The following SLC38A10 variants were observed in gnomAD, a reference collection of about 807,000 sequenced individuals.
The protein encoded by SLC38A10 is solute carrier family 38 member 10, also known as Sodium-coupled neutral amino acid transporter 10.
In SLC38A10, 53 loss-of-function variants were observed where a neutral mutation model predicts 81.0. The ratio of observed to expected loss-of-function variants is 0.65; its 90% CI spans 0.53 to 0.82. The LOEUF (loss-of-function observed/expected upper bound fraction) is 0.82. Among genes scored for constraint, SLC38A10 ranks in the 40% least tolerant of loss-of-function variants. SLC38A10 has a pLI of 0.00. For missense variants in SLC38A10, 1,471 were observed against 1,545.0 expected, an observed-to-expected ratio of 0.95 and a Z score of 0.80; for synonymous variants, 665 against 655.3, an observed-to-expected ratio of 1.01 and a Z score of -0.23.
rs1216845474 is a variant in SLC38A10, at chr17:81,250,868, A to G, written c.2065+625T>C. On this transcript the variant is annotated intron_variant, in intron 14 of 15. Coordinates refer to ENST00000374759, the MANE Select transcript of SLC38A10 (RefSeq NM_001037984.3). ...AACAGCTGAGACCCAAGGGGCGAGA[A>G]GTTTGGAGGAGGATTCAGAGCAAGT... is the stretch of plus-strand genomic sequence containing the variant. 5 of 1,050,422 alleles carry G rather than the reference A, an allele frequency of 4.8e-6. No homozygotes were observed. The South Asian group carries it at 2.1e-4, about 43-fold the overall frequency. The allele number at this position is 1,050,422 out of a possible 1,614,324, so 65.1% of individuals were successfully genotyped here. A position where few individuals can be genotyped will look rare whatever the true frequency, so the allele number is the denominator to read the frequency against.
At position 81,245,445 on chromosome 17, in the gene SLC38A10, C is replaced by T; in HGVS notation, c.*111G>A. On this transcript the variant is annotated 3_prime_UTR_variant, in exon 16 of 16. Transcript: ENST00000374759. ...TTGGTGAGGGCCTCAGACATGAAAC[C>T]CTGGGGAGAGGCGAGTGTGACCTCC... 2.2e-6 allele frequency: 3 copies of T among 1,356,382 alleles called. No homozygotes were observed. Among genetic ancestry groups the T allele is most frequent in the South Asian group, 1.4e-5 (1 of 70,948 alleles). The allele number at this position is 1,356,382 out of a possible 1,614,324, so 84.0% of individuals were successfully genotyped here.
At chr17:81,292,755 GA>G (rs2063320763) in intron 1 of SLC38A10, among the ~76,000 whole-genome samples, 1 of 152,212 alleles carries the variant, frequency 6.6e-6, no homozygotes, top group East Asian at 1.9e-4. Context: ...CAAGGCTCGA[GA>G]TAGCTGGATC....
At chr17:81,284,769 A>T in intron 3 of SLC38A10, 81 bp downstream of exon 3, 1 of 1,159,900 alleles carries the variant, frequency 8.6e-7, no homozygotes, top group Non-Finnish European at 1.2e-6. Context: ...TCTGGGGATG[A>T]AACTGCCGCT....
In SLC38A10 at chr17:81,276,513, T is replaced by C. The variant is rs548016090; in HGVS notation, c.730-362A>G. ...TTCAAGCAATTCTCCTGCCTCAGCCTCCCGAGTAGCCGGGTTTACATGCAC... is the reference window on the plus strand; with the variant it reads ...TTCAAGCAATTCTCCTGCCTCAGCCCCCCGAGTAGCCGGGTTTACATGCAC... On this transcript the variant is annotated intron_variant, in intron 7 of 15. Transcript: ENST00000374759. This position sits in a 1 kb window ranked among gnomAD's most constrained non-coding sequence, Gnocchi z 4.7. Among the ~76,000 whole-genome samples the C allele has an allele frequency of 6.6e-6, 1 of 151,946 alleles. No homozygotes were observed. Among genetic ancestry groups the C allele is most frequent in the African/African-American group, 2.4e-5 (1 of 41,420 alleles).
In SLC38A10 at chr17:81,281,146, C is replaced by T. The variant is rs895579596; in HGVS notation, c.502-413G>A. 6.6e-6 allele frequency among the ~76,000 whole-genome samples: 1 copy of T among 152,214 alleles called. No individual in the cohort carries two copies. The highest frequency in any genetic ancestry group is 1.5e-5 in the Non-Finnish European group (1 of 68,042). On this transcript the variant is annotated intron_variant, in intron 5 of 15. Coordinates refer to ENST00000374759, the MANE Select transcript of SLC38A10 (RefSeq NM_001037984.3). The surrounding 1 kb of genome is among the most constrained non-coding windows in gnomAD (Gnocchi z 5.3). ...GACATTTTCCAAAAGACTGGCCCAC[C>T]AGGACGCGGCTGTCTCAAGAGTAAA... is the stretch of plus-strand genomic sequence containing the variant.
At chr17:81,250,266 G>T in intron 14 of SLC38A10, among the ~76,000 whole-genome samples, 1 of 152,220 alleles carries the variant, frequency 6.6e-6, no homozygotes, top group East Asian at 1.9e-4. Flanking sequence ...CCACATGCCC[G>T]AACTCCTGAA....
Position 81,245,879 on chromosome 17 carries a change from T to C in SLC38A10, c.3037A>G (p.Arg1013Gly), listed in dbSNP as rs2062844459. The C allele has an allele frequency of 6.2e-7, 1 of 1,612,116 alleles. No homozygotes were observed. Among genetic ancestry groups the C allele is most frequent in the Non-Finnish European group, 8.5e-7 (1 of 1,179,630 alleles). The change falls in exon 16 of 16, where the codon AGG (arginine) becomes GGG (glycine). Residue 1013 changes from arginine (R) to glycine (G), a missense_variant. Physicochemically the swap from Arg to Gly is moderately radical, Grantham distance 125. This residue lies in a region of SLC38A10 where 751 missense variants were observed against 717.4 expected (regional missense o/e 1.05). Coordinates refer to ENST00000374759, the MANE Select transcript of SLC38A10 (RefSeq NM_001037984.3). ...GGEDAAVQEP[R>G]QRPEPELGLK... is the part of the protein sequence containing the mutation. ...CCCAGCTCTGGCTCTGGCCTCTGCCTGGGCTCCTGGACAGCAGCGTCCTCC... is the reference window on the plus strand; with the variant it reads ...CCCAGCTCTGGCTCTGGCCTCTGCCCGGGCTCCTGGACAGCAGCGTCCTCC...
chr17:81,251,275 T>C (rs756262353), intron 14 of SLC38A10: 1 of 1,581,590 alleles, frequency 6.3e-7, no homozygotes, highest in Non-Finnish European at 8.5e-7. Context: ...GCCGCAGGTG[T>C]TTAAAGGGGA....
In SLC38A10 at chr17:81,281,743, T is replaced by C. The variant is rs1221754782; in HGVS notation, c.501+446A>G. Among the ~76,000 whole-genome samples, 1 of 151,790 alleles carries C rather than the reference T, an allele frequency of 6.6e-6. No individual in the cohort carries two copies. Among genetic ancestry groups the C allele is most frequent in the African/African-American group, 2.4e-5 (1 of 41,168 alleles). Reference sequence around the variant, plus strand: ...GTGAGCCGAGATTGCGCCACTGCACTCCAGCCTGGGCGACAAAGTGAGACT... The same window carrying C: ...GTGAGCCGAGATTGCGCCACTGCACCCCAGCCTGGGCGACAAAGTGAGACT... On this transcript the variant is annotated intron_variant, in intron 5 of 15. Coordinates refer to ENST00000374759, the MANE Select transcript of SLC38A10 (RefSeq NM_001037984.3). The surrounding 1 kb of genome is among the most constrained non-coding windows in gnomAD (Gnocchi z 5.3).
intron 14 of SLC38A10, among the ~76,000 whole-genome samples, chr17:81,249,438 GGAGA>G: frequency 7.3e-6 from 1 of 137,508 alleles, no homozygotes; most frequent in African/African-American, 2.6e-5. Flanking sequence ...AAGGAGGGAG[GGAGA>G]AGGAGGGAGG....
intron 10 of SLC38A10, among the ~76,000 whole-genome samples, chr17:81,269,226 A>G (rs1489513140): frequency 2.0e-5 from 3 of 152,258 alleles, no homozygotes; most frequent in Non-Finnish European, 4.4e-5. Context: ...TAAAAAATCC[A>G]TAAGGGGCTG....
chr17:81,284,949 G>C (rs2063250129), intron 2 of SLC38A10, 54 bp from the exon 3 acceptor site: 3 of 1,495,774 alleles, frequency 2.0e-6, no homozygotes, highest in African/African-American at 1.4e-5. Context: ...AGCTCGTCCA[G>C]AACAAAGGTA....
At chr17:81,251,149 C>CTT in intron 14 of SLC38A10, 1 of 1,520,738 alleles carries the variant, frequency 6.6e-7, no homozygotes, top group South Asian at 1.3e-5. Context: ...AGTGTTAAAA[C>CTT]TGTTAACAAA....
At chr17:81,266,535 C>T (rs1025967527) in intron 10 of SLC38A10, among the ~76,000 whole-genome samples, 5 of 150,936 alleles carry the variant, frequency 3.3e-5, no homozygotes, top group African/African-American at 1.2e-4. Context: ...AGGAGAATGG[C>T]GTGAACCCAG....
rs896825735 is a variant in SLC38A10 at position 81,245,275 on chromosome 17, G to T, written c.*281C>A. ...AGCCTGGGAGTGCACCAGCCAGCTC[G>T]CAGCGGAGGCCGTTTCTCCTCACAG... On this transcript the variant is annotated 3_prime_UTR_variant, in exon 16 of 16. Transcript: ENST00000374759. 2 of 380,390 alleles carry T rather than the reference G, an allele frequency of 5.3e-6. No homozygotes were observed. The highest frequency in any genetic ancestry group is 2.1e-5 in the African/African-American group (1 of 47,618). 23.6% of individuals were successfully genotyped at this position (380,390 alleles called of 1,614,324 possible).
rs529643315 is a variant in SLC38A10 at position 81,253,865 on chromosome 17, C to T, written c.1289-625G>A. Among the ~76,000 whole-genome samples, 1 of 151,942 alleles carries T rather than the reference C, an allele frequency of 6.6e-6. No individual in the cohort carries two copies. Among genetic ancestry groups the T allele is most frequent in the Admixed American group, 6.6e-5 (1 of 15,252 alleles). ...ATCACCACCATCTCCATCCCTACCA[C>T]CATCACCATCATCATCACCATCACC... On this transcript the variant is annotated intron_variant, in intron 11 of 15. Coordinates refer to ENST00000374759, the MANE Select transcript of SLC38A10 (RefSeq NM_001037984.3). This position sits in a 1 kb window ranked among gnomAD's most constrained non-coding sequence, Gnocchi z 4.1.
Position 81,270,847 on chromosome 17 carries a change from C to T in SLC38A10, c.1131+71G>A, listed in dbSNP as rs1450453659. The T allele has an allele frequency of 1.5e-6, 2 of 1,342,154 alleles. No individual in the cohort carries two copies. Among genetic ancestry groups the T allele is most frequent in the African/African-American group, 1.5e-5 (1 of 68,878 alleles). 83.1% of individuals were successfully genotyped at this position (1,342,154 alleles called of 1,614,324 possible). On this transcript the variant is annotated intron_variant, in intron 10 of 15. Coordinates refer to ENST00000374759, the MANE Select transcript of SLC38A10 (RefSeq NM_001037984.3). The surrounding 1 kb of genome is among the most constrained non-coding windows in gnomAD (Gnocchi z 4.0). Reference sequence around the variant, plus strand: ...CTGAAAACGCTGAACCAGGGGCTTCCTCCCGCCTCCACCTCTCCCCAGCCC... The same window carrying T: ...CTGAAAACGCTGAACCAGGGGCTTCTTCCCGCCTCCACCTCTCCCCAGCCC...
chr17:81,246,858 C>G (rs1598374780), intron 15 of SLC38A10, 27 bp downstream of exon 15: 1 of 1,564,656 alleles, frequency 6.4e-7, no homozygotes, highest in Non-Finnish European at 8.7e-7. Flanking sequence ...CTGGCCCCAC[C>G]CCACTCCATC....
At chr17:81,290,730 G>A (rs1053073175) in intron 1 of SLC38A10, among the ~76,000 whole-genome samples, 9 of 152,160 alleles carry the variant, frequency 5.9e-5, no homozygotes, top group Non-Finnish European at 1.3e-4. Context: ...TCAATCAGCC[G>A]GGCACGGTGG....
Sources: gnomAD v4.1 joint callset for allele counts (sites outside exome capture counted in the v4.1 genomes callset) on GRCh38, gnomAD v4.1.1 for gene constraint, gnomAD v4.1.1 regional missense constraint, Gnocchi (gnomAD v3.1) non-coding constraint, MANE v1.5 for transcripts, NCBI Gene and HGNC (gene_info 2026-07-23, HGNC 2026-07-21) for gene names.